The following KLHL32 variants were observed in gnomAD, a reference collection of about 807,000 sequenced individuals.
KLHL32 encodes kelch-like protein 32.
A neutral mutation model predicts 64.8 loss-of-function variants in KLHL32; 35 were observed. That is an observed-to-expected ratio of 0.54 (90% CI 0.41 to 0.72). The LOEUF is 0.72. Ranked by LOEUF, KLHL32 falls within the 30% of genes least tolerant of loss-of-function variation. The pLI is 0.00. For missense variants in KLHL32, 589 were observed against 768.5 expected (o/e 0.77, Z 2.76); for synonymous variants, 259 against 281.0 (o/e 0.92, Z 0.78).
chr6:96,909,697 A>G, the KLHL32 span, among the ~76,000 whole-genome samples: 1 of 152,238 alleles, frequency 6.6e-6, no homozygotes. Context: ...TTCCTTCTGT[A>G]GTAATTATTT....
intron 5 of KLHL32, among the ~76,000 whole-genome samples, chr6:97,069,541 A>G (rs1790371153): frequency 6.6e-6 from 1 of 151,880 alleles, no homozygotes; most frequent in East Asian, 1.9e-4. Context: ...CATTCTGCAC[A>G]TGGTTTAATG....
intron 8 of KLHL32, among the ~76,000 whole-genome samples, chr6:97,129,234 G>T (rs1015847436): frequency 1.3e-5 from 2 of 152,134 alleles, no homozygotes; most frequent in African/African-American, 4.8e-5. Context: ...GTTGTGTCTT[G>T]CTTCTTCCCT....
At chr6:97,115,930 GT>G (rs1797763512) in intron 7 of KLHL32, among the ~76,000 whole-genome samples, 1 of 152,210 alleles carries the variant, frequency 6.6e-6, no homozygotes, top group Non-Finnish European at 1.5e-5. Context: ...CGTCTCTAGT[GT>G]TCTAACACCT....
At chr6:97,106,814 A>C (rs1043338179) in intron 6 of KLHL32, among the ~76,000 whole-genome samples, 1 of 152,016 alleles carries the variant, frequency 6.6e-6, no homozygotes, top group Non-Finnish European at 1.5e-5. Context: ...CACTCAAGAC[A>C]TGTCCTTTTC....
chr6:96,935,415 A>G (rs562394703), intron 1 of KLHL32, among the ~76,000 whole-genome samples: 4 of 152,318 alleles, frequency 2.6e-5, no homozygotes, highest in Admixed American at 6.5e-5. Flanking sequence ...CCCCCCATAA[A>G]GTAAGGTAAA....
At chr6:97,075,518 C>T (rs1245781207) in intron 5 of KLHL32, among the ~76,000 whole-genome samples, 1 of 152,100 alleles carries the variant, frequency 6.6e-6, no homozygotes, top group Non-Finnish European at 1.5e-5. Flanking sequence ...TGAGAAAATT[C>T]ACAGAGCCCT....
In KLHL32 at chr6:97,077,522, A is replaced by T. The variant is rs567077327; in HGVS notation, c.412-7604A>T. The stretch of plus-strand genomic sequence containing the variant: ...AATCTAACATATAGAAAACAAGGAG[A>T]CCCAAGATTCACTGTGGAAGTCAGG... On this transcript the variant is annotated intron_variant, in intron 5 of 10. Coordinates refer to ENST00000369261, the MANE Select transcript of KLHL32 (RefSeq NM_052904.4). 7.2e-5 allele frequency among the ~76,000 whole-genome samples: 11 copies of T among 152,174 alleles called. No homozygotes were observed. The South Asian group carries it at 1.7e-3, about 23-fold the overall frequency.
At chr6:97,038,648 T>C (rs1171159535) in intron 3 of KLHL32, among the ~76,000 whole-genome samples, 2 of 152,024 alleles carry the variant, frequency 1.3e-5, no homozygotes, top group Non-Finnish European at 2.9e-5. Flanking sequence ...ACTCAGCAAT[T>C]TTACTACTGA....
At chr6:97,097,575 T>C (rs1795151783) in intron 6 of KLHL32, among the ~76,000 whole-genome samples, 2 of 152,222 alleles carry the variant, frequency 1.3e-5, no homozygotes, top group South Asian at 4.1e-4. Flanking sequence ...GGATTTAATT[T>C]ATTCTGTGCC....
At chr6:97,053,398 C>T (rs1464472151) in intron 4 of KLHL32, among the ~76,000 whole-genome samples, 1 of 152,094 alleles carries the variant, frequency 6.6e-6, no homozygotes, top group African/African-American at 2.4e-5. Flanking sequence ...ATAAATCATT[C>T]CACACATTTC....
intron 4 of KLHL32, among the ~76,000 whole-genome samples, chr6:97,049,682 G>A (rs1449394799): frequency 6.6e-6 from 1 of 152,174 alleles, no homozygotes; most frequent in Non-Finnish European, 1.5e-5. Flanking sequence ...CTGGAGTGTT[G>A]ACATGGAAAG....
At chr6:97,137,377 CAG>C (rs1003301217) in intron 10 of KLHL32, among the ~76,000 whole-genome samples, 8 of 152,092 alleles carry the variant, frequency 5.3e-5, no homozygotes, top group African/African-American at 1.2e-4. Flanking sequence ...TTAGTAGTGA[CAG>C]GGTATATTGT....
At chr6:96,983,073 AG>A (rs1776527385) in intron 3 of KLHL32, among the ~76,000 whole-genome samples, 1 of 152,236 alleles carries the variant, frequency 6.6e-6, no homozygotes, top group South Asian at 2.1e-4. Flanking sequence ...TAATTTGTTG[AG>A]AGTTTTTAGC....
intron 3 of KLHL32, among the ~76,000 whole-genome samples, chr6:97,008,680 T>C (rs1424112398): frequency 2.6e-5 from 4 of 152,068 alleles, no homozygotes; most frequent in African/African-American, 4.8e-5. Flanking sequence ...ACCTTGGCTG[T>C]TCATCTCACT....
chr6:96,934,459 CAAA>C (rs55713007), intron 1 of KLHL32, among the ~76,000 whole-genome samples: 2 of 151,592 alleles, frequency 1.3e-5, no homozygotes, highest in South Asian at 4.2e-4. Flanking sequence ...ACAACAACAA[CAAA>C]AAAATAGCAA....
At chr6:97,005,422 A>G (rs772216463) in intron 3 of KLHL32, among the ~76,000 whole-genome samples, 66 of 151,994 alleles carry the variant, frequency 4.3e-4, no homozygotes, top group Non-Finnish European at 9.4e-4. Context: ...TATTCTTTCA[A>G]AAAGCAAACT....
chr6:96,915,802 T>C, the KLHL32 span, among the ~76,000 whole-genome samples: 1 of 152,218 alleles, frequency 6.6e-6, no homozygotes, highest in Non-Finnish European at 1.5e-5. Context: ...TATGCCACTT[T>C]GGCATAAGGA....
chr6:97,116,724 C>T (rs1171598294), intron 7 of KLHL32, among the ~76,000 whole-genome samples: 1 of 152,202 alleles, frequency 6.6e-6, no homozygotes. Flanking sequence ...CTTAGACTCG[C>T]TAGATCCGTC....
intron 3 of KLHL32, among the ~76,000 whole-genome samples, chr6:96,989,665 A>G (rs994451834): frequency 2.6e-5 from 4 of 151,896 alleles, no homozygotes; most frequent in African/African-American, 9.7e-5. Context: ...AACTTGGGAA[A>G]TTTTTCTGGA....
Sources: gnomAD v4.1 joint callset for allele counts (sites outside exome capture counted in the v4.1 genomes callset) on GRCh38, gnomAD v4.1.1 for gene constraint, MANE v1.5 for transcripts, NCBI Gene and HGNC (gene_info 2026-07-23, HGNC 2026-07-21) for gene names.